Variants in TREML2 observed in about 807,000 individuals in gnomAD.
TREML2 encodes triggering receptor expressed on myeloid cells like 2, also known as trem-like transcript 2 protein.
A neutral mutation model predicts 25.9 loss-of-function variants in TREML2; 24 were observed. That is an observed-to-expected ratio of 0.93 (90% CI 0.67 to 1.30). The LOEUF is 1.30. Ranked by LOEUF, TREML2 falls within the 50% of genes most tolerant of loss-of-function variation. TREML2 has a pLI of 0.00. For synonymous variants in TREML2, 139 were observed against 155.2 expected, an observed-to-expected ratio of 0.90 and a Z score of 0.77; for missense variants, 359 against 395.6, an observed-to-expected ratio of 0.91 and a Z score of 0.78.
At chr6:41,196,598 A>G (rs1766169868) in intron 2 of TREML2, among the ~76,000 whole-genome samples, 1 of 152,198 alleles carries the variant, frequency 6.6e-6, no homozygotes, top group Non-Finnish European at 1.5e-5. Flanking sequence ...GTGGTTCTTT[A>G]TTATGCTTAC....
rs2113899319 is a variant in TREML2, at chr6:41,190,093, C to G, written c.*2334G>C. Among the ~76,000 whole-genome samples, 2 of 152,276 alleles carry G rather than the reference C, an allele frequency of 1.3e-5. No homozygotes were observed. The highest frequency in any genetic ancestry group is 2.1e-4 in the South Asian group (1 of 4,808). On this transcript the variant is annotated 3_prime_UTR_variant, in exon 5 of 5. Transcript: ENST00000483722. ...GTGGGCATGTCTTAGGCAAGCCCCC[C>G]TGTGCAAGTTCCCATATCTGTGCCT...
chr6:41,197,796 C>T (rs912118326), intron 2 of TREML2, among the ~76,000 whole-genome samples: 6 of 152,144 alleles, frequency 3.9e-5, no homozygotes, highest in Non-Finnish European at 7.3e-5. Context: ...AATAGGGGCT[C>T]AATGAATTAT....
intron 1 of TREML2, 146 bp from the exon 2 acceptor site, chr6:41,198,575 T>G: frequency 1.2e-6 from 1 of 867,140 alleles, no homozygotes; most frequent in South Asian, 1.8e-5. Flanking sequence ...CAGCCCCGCC[T>G]TCAGGGAGCT....
chr6:41,192,339 A>T lies in TREML2; in HGVS notation c.*88T>A. ...CACTGCACAAGTCCTCCAGCTTCAT[A>T]AGATCGATACTGGCCCCAATCTTCA... On this transcript the variant is annotated 3_prime_UTR_variant, in exon 5 of 5. Transcript: ENST00000483722. 1 of 1,066,436 alleles carries T rather than the reference A, an allele frequency of 9.4e-7. No homozygotes were observed. Among genetic ancestry groups the T allele is most frequent in the Non-Finnish European group, 1.4e-6 (1 of 703,174 alleles). 66.1% of individuals were successfully genotyped at this position (1,066,436 alleles called of 1,614,324 possible).
At position 41,192,906 on chromosome 6, in the gene TREML2, G is replaced by C. The variant is rs998792578; in HGVS notation, c.786-5C>G. 2 of 1,561,200 alleles carry C rather than the reference G, an allele frequency of 1.3e-6. No individual in the cohort carries two copies. The highest frequency in any genetic ancestry group is 2.7e-5 in the African/African-American group (2 of 73,174). On this transcript the variant is annotated splice_polypyrimidine_tract_variant and splice_region_variant and intron_variant, in intron 3 of 4. Coordinates refer to ENST00000483722, the MANE Select transcript of TREML2 (RefSeq NM_024807.4). Reference sequence around the variant, plus strand: ...GTGGAGTAAACATCCTGGTGCCTGAGAAGAAGGGACAGGGTGGAAGCGGGT... The same window carrying C: ...GTGGAGTAAACATCCTGGTGCCTGACAAGAAGGGACAGGGTGGAAGCGGGT...
In TREML2 at chr6:41,191,540, G is replaced by A. The variant is rs930894598; in HGVS notation, c.*887C>T. ...GTCTCCCCACCAGTGTCTGTGGGGT[G>A]AGCAGCCTCCATACAGAGCCAAGGT... On this transcript the variant is annotated 3_prime_UTR_variant, in exon 5 of 5. Coordinates refer to ENST00000483722, the MANE Select transcript of TREML2 (RefSeq NM_024807.4). The A allele has an allele frequency of 1.1e-4, 17 of 152,250 alleles. No individual in the cohort carries two copies. Among genetic ancestry groups the A allele is most frequent in the Admixed American group, 4.6e-4 (7 of 15,284 alleles). The allele number at this position is 152,250 out of a possible 1,614,324, so 9.4% of individuals were successfully genotyped here.
chr6:41,193,986 CT>C (rs1285472324), intron 3 of TREML2, among the ~76,000 whole-genome samples: 1 of 143,250 alleles, frequency 7.0e-6, no homozygotes, highest in African/African-American at 2.6e-5. Flanking sequence ...TCATCTCCCC[CT>C]ACCTTTATCC....
In TREML2 at chr6:41,194,602, C is replaced by T. The variant is rs768997331; in HGVS notation, c.608G>A (p.Arg203Lys). 6 of 1,614,048 alleles carry T rather than the reference C, an allele frequency of 3.7e-6. No individual in the cohort carries two copies. The South Asian group carries it at 5.5e-5, about 15-fold the overall frequency. The change falls in exon 3 of 5, where the codon AGG becomes AAG. Residue 203 changes from arginine (R) to lysine (K), a missense_variant. Arg to Lys is a conservative substitution (Grantham distance 26). Transcript: ENST00000483722. ...TATSTTSQGP[R>K]RTMGSQTVTA... ...CACTGTCTGGGACCCCATGGTCCTC[C>T]TGGGTCCCTGGCTGGTGGTGCTGGT... is the stretch of plus-strand genomic sequence containing the variant.
Position 41,192,088 on chromosome 6 carries a change from C to A in TREML2, c.*339G>T. Reference sequence around the variant, plus strand: ...ATAGGGTTTCTGAGGCAGACGGGAGCTGAGGTTCTCTGTAAACAGCACTCT... The same window carrying A: ...ATAGGGTTTCTGAGGCAGACGGGAGATGAGGTTCTCTGTAAACAGCACTCT... On this transcript the variant is annotated 3_prime_UTR_variant, in exon 5 of 5. Coordinates refer to ENST00000483722, the MANE Select transcript of TREML2 (RefSeq NM_024807.4). 1 of 301,742 alleles carries A rather than the reference C, an allele frequency of 3.3e-6. No homozygotes were observed. Among genetic ancestry groups the A allele is most frequent in the Non-Finnish European group, 6.4e-6 (1 of 156,444 alleles). 18.7% of individuals were successfully genotyped at this position (301,742 alleles called of 1,614,324 possible).
At chr6:41,198,477 G>A in intron 1 of TREML2, 48 bp from the exon 2 acceptor site, 1 of 1,536,032 alleles carries the variant, frequency 6.5e-7, no homozygotes, top group Non-Finnish European at 8.8e-7. Context: ...AGGAGAGGAA[G>A]AAGACATCAT....
chr6:41,192,452 G>A lies in TREML2; in HGVS notation c.941C>T (p.Pro314Leu), dbSNP rs1369131985. The A allele has an allele frequency of 8.1e-6, 13 of 1,613,992 alleles. No homozygotes were observed. Among genetic ancestry groups the A allele is most frequent in the Non-Finnish European group, 1.1e-5 (13 of 1,179,934 alleles). The change falls in exon 5 of 5, where the codon CCC (proline) becomes CTC (leucine). Residue 314 changes from proline (P) to leucine (L), a missense_variant. Pro to Leu is a moderately conservative substitution (Grantham distance 98, BLOSUM62 -3). Coordinates refer to ENST00000483722, the MANE Select transcript of TREML2 (RefSeq NM_024807.4). ...STRDPPGRPEPYVEVYLI is the reference protein window; with the variant it reads ...STRDPPGRPELYVEVYLI ...TCAGATCAAGTAGACTTCCACATAG[G>A]GCTCTGGTCTTCCAGGTGGGTCACG... is the stretch of plus-strand genomic sequence containing the variant.
Position 41,192,337 on chromosome 6 carries a change from A to C in TREML2, c.*90T>G, listed in dbSNP as rs1766078992. ...AGCACTGCACAAGTCCTCCAGCTTC[A>C]TAAGATCGATACTGGCCCCAATCTT... On this transcript the variant is annotated 3_prime_UTR_variant, in exon 5 of 5. Transcript: ENST00000483722. 1 of 1,053,424 alleles carries C rather than the reference A, an allele frequency of 9.5e-7. No individual in the cohort carries two copies. Among genetic ancestry groups the C allele is most frequent in the Non-Finnish European group, 1.4e-6 (1 of 692,610 alleles). 65.3% of individuals were successfully genotyped at this position (1,053,424 alleles called of 1,614,324 possible).
Position 41,198,385 on chromosome 6 carries a change from C to G in TREML2, c.100G>C (p.Gly34Arg), listed in dbSNP as rs772078802. The G allele has an allele frequency of 6.8e-6, 11 of 1,613,816 alleles. No individual in the cohort carries two copies. In the Admixed American group the frequency reaches 1.7e-4, roughly 24 times the overall value. The change falls in exon 2 of 5, where the codon GGG (glycine) becomes CGG (arginine). Residue 34 changes from glycine to arginine, a missense_variant. Gly to Arg is a moderately radical substitution (Grantham distance 125, BLOSUM62 -2). Coordinates refer to ENST00000483722, the MANE Select transcript of TREML2 (RefSeq NM_024807.4). ...SVYTKVRLLE[G>R]ETLSVQCSYK... ...GAGCACTGCACAGACAGAGTCTCCC[C>G]TTCAAGGAGCCTCACTTTTGTGTAT... is the stretch of plus-strand genomic sequence containing the variant.
intron 1 of TREML2, among the ~76,000 whole-genome samples, chr6:41,199,289 T>C (rs1766234732): frequency 6.6e-6 from 1 of 152,256 alleles, no homozygotes; most frequent in African/African-American, 2.4e-5. Flanking sequence ...GAAAATCTAG[T>C]ATTTGAAAAT....
chr6:41,201,027 A>T lies in TREML2; in HGVS notation c.-19T>A. On this transcript the variant is annotated 5_prime_UTR_variant, in exon 1 of 5. Transcript: ENST00000483722. ...GGGCCATGGTTCCATCCAGCTGGGC[A>T]GTGTCAGGCCTGGAGATCCAAGGTG... 1.2e-6 allele frequency: 2 copies of T among 1,611,412 alleles called. No individual in the cohort carries two copies. Among genetic ancestry groups the T allele is most frequent in the Non-Finnish European group, 1.7e-6 (2 of 1,178,634 alleles).
intron 2 of TREML2, among the ~76,000 whole-genome samples, chr6:41,196,264 C>T (rs929961178): frequency 3.3e-5 from 5 of 152,190 alleles, no homozygotes; most frequent in African/African-American, 9.7e-5. Context: ...CTGGGTCTCA[C>T]TCAGAACTGG....
chr6:41,197,263 T>TA (rs1766183743), intron 2 of TREML2, among the ~76,000 whole-genome samples: 1 of 152,168 alleles, frequency 6.6e-6, no homozygotes, highest in Admixed American at 6.5e-5. Flanking sequence ...ACTACATTCT[T>TA]AAAAACAAGT....
chr6:41,190,831 A>G lies in TREML2; in HGVS notation c.*1596T>C, dbSNP rs1561887395. On this transcript the variant is annotated 3_prime_UTR_variant, in exon 5 of 5. Transcript: ENST00000483722. ...GCTATCTTAGGAGGCTGCTTGCTAG[A>G]CAGAGATGGGTGTGTGTGCGTGTCT... The G allele has an allele frequency of 6.6e-6, 1 of 152,200 alleles. No individual in the cohort carries two copies. The highest frequency in any genetic ancestry group is 1.5e-5 in the Non-Finnish European group (1 of 68,276). 9.4% of individuals were successfully genotyped at this position (152,200 alleles called of 1,614,324 possible). A position where few individuals can be genotyped will look rare whatever the true frequency, so the allele number is the denominator to read the frequency against.
chr6:41,200,548 G>A (rs994553703), intron 1 of TREML2, among the ~76,000 whole-genome samples: 1 of 152,246 alleles, frequency 6.6e-6, no homozygotes, highest in African/African-American at 2.4e-5. Flanking sequence ...GGCAGGGACA[G>A]GATGTGGCAT....
Sources: gnomAD v4.1 joint callset for allele counts (sites outside exome capture counted in the v4.1 genomes callset) on GRCh38, gnomAD v4.1.1 for gene constraint, MANE v1.5 for transcripts, NCBI Gene and HGNC (gene_info 2026-07-23, HGNC 2026-07-21) for gene names.